The following CARHSP1 variants were observed in gnomAD, a reference collection of about 807,000 sequenced individuals.
CARHSP1 encodes calcium regulated heat stable protein 1.
A neutral mutation model predicts 12.5 loss-of-function variants in CARHSP1; 14 were observed. The observed-to-expected ratio is 1.12, with a 90% confidence interval of 0.74 to 1.75. The LOEUF is 1.75. CARHSP1 is among the 40% of genes most tolerant of loss of function. CARHSP1 has a pLI of 0.00. For missense variants in CARHSP1, 343 were observed against 201.6 expected (o/e 1.70, Z -4.25); for synonymous variants, 161 against 82.0 (o/e 1.96, Z -5.20).
intron 3 of CARHSP1, among the ~76,000 whole-genome samples, chr16:8,857,263 G>GTTTTTTGTTTTTTGTTTTTTTTTTT (rs1315960023): frequency 5.3e-5 from 3 of 57,034 alleles, no homozygotes; most frequent in Admixed American, 1.7e-4. Flanking sequence ...GGGCAGATCT[G>GTTTTTTGTTTTTTGTTTTTTTTTTT]TTTTTTTTTT....
chr16:8,862,850 T>C (rs981582015), intron 1 of CARHSP1, among the ~76,000 whole-genome samples: 2 of 152,114 alleles, frequency 1.3e-5, no homozygotes, highest in Non-Finnish European at 2.9e-5. Flanking sequence ...ATCGTCGTCC[T>C]CCTTGCATCT....
rs576501528 is a variant in CARHSP1 at position 8,865,154 on chromosome 16, G to T, written c.-8+3812C>A. ...GACAGAATCTCCCTCTGTTGCCCAG[G>T]ATGGAGTGCAGTGGCACAATCTCAG... On this transcript the variant is annotated intron_variant, in intron 1 of 3. Transcript: ENST00000311052. Among the ~76,000 whole-genome samples the T allele has an allele frequency of 1.7e-4, 26 of 152,324 alleles. No individual in the cohort carries two copies. In the South Asian group the frequency reaches 4.8e-3, roughly 28 times the overall value.
At chr16:8,858,585 G>T in intron 2 of CARHSP1, 113 bp from the exon 3 acceptor site, 3 of 1,322,692 alleles carry the variant, frequency 2.3e-6, no homozygotes, top group Non-Finnish European at 3.1e-6. Flanking sequence ...GGACCGCCAT[G>T]TACAGTCACA....
At chr16:8,864,171 G>C (rs567007534) in intron 1 of CARHSP1, among the ~76,000 whole-genome samples, 1 of 152,356 alleles carries the variant, frequency 6.6e-6, no homozygotes, top group East Asian at 1.9e-4. Context: ...GTGTATGTGT[G>C]TGCTGTGTAT....
rs188885654 is a variant in CARHSP1, at chr16:8,857,935, T to G, written c.281+415A>C. 5.8e-3 allele frequency: 962 copies of G among 165,468 alleles called. 22 individuals carry two copies. In the East Asian group the frequency reaches 0.064, roughly 11 times the overall value. 10.2% of individuals were successfully genotyped at this position (165,468 alleles called of 1,614,324 possible). A position where few individuals can be genotyped will look rare whatever the true frequency, so the allele number is the denominator to read the frequency against. On this transcript the variant is annotated intron_variant, in intron 3 of 3. Coordinates refer to ENST00000311052, the MANE Select transcript of CARHSP1 (RefSeq NM_014316.4). ...CGCCACCATGCCCGGCTAATTTTTT[T>G]TGTGTTTTTTTAGTAGAGACGGGAT...
intron 1 of CARHSP1, chr16:8,868,542 A>T (rs2141134945): frequency 6.8e-6 from 1 of 146,104 alleles, no homozygotes; most frequent in South Asian, 2.4e-4. Context: ...CTCGAGCCAC[A>T]GCTGGCGCGG....
chr16:8,859,003 T>C (rs1470287972), intron 2 of CARHSP1, 168 bp downstream of exon 2: 4 of 583,148 alleles, frequency 6.9e-6, no homozygotes, highest in Middle Eastern at 4.7e-4. Flanking sequence ...TACCCTGAAT[T>C]TACAAGGCGC....
intron 1 of CARHSP1, 30 bp from the exon 2 acceptor site, chr16:8,859,365 G>T (rs556957445): frequency 1.3e-6 from 2 of 1,581,442 alleles, no homozygotes; most frequent in Non-Finnish European, 1.7e-6. Context: ...TCAGGGGCTC[G>T]TGCCTTGCAA....
At chr16:8,859,477 G>C (rs2061273336) in intron 1 of CARHSP1, 142 bp from the exon 2 acceptor site, 1 of 752,332 alleles carries the variant, frequency 1.3e-6, no homozygotes, top group Non-Finnish European at 2.1e-6. Flanking sequence ...TTGTCTGGGA[G>C]CACGCCTGGC....
chr16:8,859,180 G>C lies in CARHSP1; in HGVS notation c.149C>G (p.Thr50Ser). The C allele has an allele frequency of 1.2e-6, 2 of 1,600,888 alleles. No homozygotes were observed. Among genetic ancestry groups the C allele is most frequent in the Non-Finnish European group, 1.7e-6 (2 of 1,173,042 alleles). Residue 50 changes from threonine (T) to serine (S), a missense_variant, in exon 2 of 4, where the codon ACC (threonine) becomes AGC (serine). By Grantham distance (58) the Thr-to-Ser change is moderately conservative. Transcript: ENST00000311052. ...CCTGCTCCAGACTCACGCCGAGAAG[G>C]TCCTCGTCCGGCGAGTGGGCAGTGG... ...PSPLPTRRTRTFSATVRASQG... is the reference protein window; with the variant it reads ...PSPLPTRRTRSFSATVRASQG...
intron 1 of CARHSP1, chr16:8,866,456 C>G: frequency 4.1e-6 from 4 of 984,640 alleles, no homozygotes; most frequent in Non-Finnish European, 4.8e-6. Flanking sequence ...TGTAAACAGA[C>G]AGAGACACTG....
chr16:8,866,568 G>C, intron 1 of CARHSP1: 1 of 561,476 alleles, frequency 1.8e-6, no homozygotes, highest in Non-Finnish European at 2.3e-6. Flanking sequence ...CCAGATAGAA[G>C]GGTCCCTGGA....
chr16:8,864,120 T>C lies in CARHSP1; in HGVS notation c.-7-4785A>G, dbSNP rs931974521. On this transcript the variant is annotated intron_variant, in intron 1 of 3. Coordinates refer to ENST00000311052, the MANE Select transcript of CARHSP1 (RefSeq NM_014316.4). ...TCATGACTGCCAGGCTGCATGTACATGTGTGCTCGTTTGTGCACAGGTATG... is the reference window on the plus strand; with the variant it reads ...TCATGACTGCCAGGCTGCATGTACACGTGTGCTCGTTTGTGCACAGGTATG... 2.6e-5 allele frequency among the ~76,000 whole-genome samples: 4 copies of C among 152,224 alleles called. 1 individual carries two copies. Among genetic ancestry groups the C allele is most frequent in the African/African-American group, 9.6e-5 (4 of 41,460 alleles).
At chr16:8,860,409 T>G (rs1390031836) in intron 1 of CARHSP1, 1 of 985,304 alleles carries the variant, frequency 1.0e-6, no homozygotes, top group African/African-American at 1.7e-5. Flanking sequence ...TTTGACAATT[T>G]TTCAAGAGCA....
chr16:8,868,978 T>A lies in CARHSP1; in HGVS notation c.-20A>T, dbSNP rs1055194641. 6.6e-6 allele frequency: 1 copy of A among 151,172 alleles called. No homozygotes were observed. The highest frequency in any genetic ancestry group is 6.6e-5 in the Admixed American group (1 of 15,244). The allele number at this position is 151,172 out of a possible 1,614,324, so 9.4% of individuals were successfully genotyped here. On this transcript the variant is annotated 5_prime_UTR_variant, in exon 1 of 4. Transcript: ENST00000311052. The stretch of plus-strand genomic sequence containing the variant: ...AAGAGCTCCCTACCCTGCAATCCGT[T>A]CTGCTCCGCCAGCCGCTTCGCTCCG...
rs1038296143 is a variant in CARHSP1, at chr16:8,854,973, C to T, written c.*191G>A. ...GAGAGGTTGTTGCAATGGTCATAGG[C>T]TGTGCTGATGGCCGGGAACACCCCA... On this transcript the variant is annotated 3_prime_UTR_variant, in exon 4 of 4. Coordinates refer to ENST00000311052, the MANE Select transcript of CARHSP1 (RefSeq NM_014316.4). 1.5e-5 allele frequency: 7 copies of T among 482,400 alleles called. No homozygotes were observed. Among genetic ancestry groups the T allele is most frequent in the African/African-American group, 7.9e-5 (4 of 50,832 alleles). 29.9% of individuals were successfully genotyped at this position (482,400 alleles called of 1,614,324 possible).
chr16:8,856,228 C>T (rs1365135213), intron 3 of CARHSP1, among the ~76,000 whole-genome samples: 2 of 152,306 alleles, frequency 1.3e-5, no homozygotes, highest in East Asian at 3.9e-4. Flanking sequence ...GTCACCCTCT[C>T]ACATGAGACT....
chr16:8,860,499 G>C (rs1247804001), intron 1 of CARHSP1: 2 of 985,316 alleles, frequency 2.0e-6, no homozygotes, highest in East Asian at 1.1e-4. Context: ...TCGAGGTTCA[G>C]GGGAAAGAGA....
rs370072859 is a variant in CARHSP1 at position 8,853,725 on chromosome 16, A to G, written c.*1439T>C. ...GCCTAGCTATTTCTACTTTGAAATC[A>G]TGACTAAAGCCAAACCACAACCACA... On this transcript the variant is annotated 3_prime_UTR_variant, in exon 4 of 4. Coordinates refer to ENST00000311052, the MANE Select transcript of CARHSP1 (RefSeq NM_014316.4). 6.6e-6 allele frequency: 1 copy of G among 152,246 alleles called. No individual in the cohort carries two copies. The highest frequency in any genetic ancestry group is 2.1e-4 in the South Asian group (1 of 4,836). The allele number at this position is 152,246 out of a possible 1,614,324, so 9.4% of individuals were successfully genotyped here.
Sources: allele counts gnomAD v4.1 joint callset (sites outside exome capture counted in the v4.1 genomes callset), GRCh38; gene constraint gnomAD v4.1.1; transcripts MANE v1.5; gene names NCBI Gene and HGNC (gene_info 2026-07-23, HGNC 2026-07-21).